The following LARS2 variants were observed in gnomAD, a reference collection of about 807,000 sequenced individuals.
The protein encoded by LARS2 is leucine--tRNA ligase, mitochondrial.
LARS2 carries 81 observed loss-of-function variants against 116.6 expected under a neutral mutation model. That is an observed-to-expected ratio of 0.69 (90% CI 0.58 to 0.84). The LOEUF (loss-of-function observed/expected upper bound fraction) is 0.84, where lower values mean the gene tolerates loss of function less well. LARS2 is among the 40% of genes least tolerant of loss of function. The pLI, the probability that LARS2 is intolerant of heterozygous loss-of-function variation, is 0.00. For missense variants in LARS2, 968 were observed against 1,114.5 expected (o/e 0.87, Z 1.87); for synonymous variants, 396 against 407.2 (o/e 0.97, Z 0.33).
At chr3:45,420,900 G>C (rs970426431) in intron 6 of LARS2, among the ~76,000 whole-genome samples, 4 of 152,174 alleles carry the variant, frequency 2.6e-5, no homozygotes, top group African/African-American at 9.7e-5. Context: ...ATACAGAAAA[G>C]TATAAAGAGC....
At chr3:45,443,096 C>A (rs913290052) in intron 6 of LARS2, among the ~76,000 whole-genome samples, 1 of 152,170 alleles carries the variant, frequency 6.6e-6, no homozygotes, top group South Asian at 2.1e-4. Flanking sequence ...GCCAGATGGT[C>A]TCTGGGGAAC....
chr3:45,494,637 G>A (rs1312384162), intron 13 of LARS2, among the ~76,000 whole-genome samples: 2 of 152,196 alleles, frequency 1.3e-5, no homozygotes, highest in Non-Finnish European at 2.9e-5. Context: ...AGGCCTTGAG[G>A]AGTCTCCAAG....
At position 45,486,016 on chromosome 3, in the gene LARS2, T is replaced by G. The variant is rs74801422; in HGVS notation, c.1123+220T>G. Among the ~76,000 whole-genome samples, 41,070 of 151,974 alleles carry G rather than the reference T, an allele frequency of 0.27. 5,872 individuals carry two copies. Among genetic ancestry groups the G allele is most frequent in the Middle Eastern group, 0.4 (118 of 294 alleles). ...GTACTTTGCTCGTTGCTACTGAGAA[T>G]AAGAAGTATCTGACCTACAAATCTT... is the stretch of plus-strand genomic sequence containing the variant. On this transcript the variant is annotated intron_variant, in intron 11 of 21. Transcript: ENST00000645846.
chr3:45,394,037 A>G (rs902930190), intron 2 of LARS2, among the ~76,000 whole-genome samples: 1 of 152,090 alleles, frequency 6.6e-6, no homozygotes, highest in Non-Finnish European at 1.5e-5. Flanking sequence ...CCTAACGCCA[A>G]CTCAGCATGT....
chr3:45,446,308 A>G (rs1227015884), intron 6 of LARS2, among the ~76,000 whole-genome samples: 1 of 152,252 alleles, frequency 6.6e-6, no homozygotes, highest in African/African-American at 2.4e-5. Flanking sequence ...GCTTGGAAAT[A>G]TAAACCAAGT....
intron 6 of LARS2, among the ~76,000 whole-genome samples, chr3:45,435,810 G>A (rs914103849): frequency 6.6e-6 from 1 of 152,084 alleles, no homozygotes; most frequent in Non-Finnish European, 1.5e-5. Flanking sequence ...CTTCTTCACT[G>A]TTTAGAGTCT....
intron 4 of LARS2, among the ~76,000 whole-genome samples, chr3:45,406,125 C>T (rs1352565122): frequency 6.6e-6 from 1 of 152,020 alleles, no homozygotes; most frequent in Non-Finnish European, 1.5e-5. Flanking sequence ...ATTTAGAAAC[C>T]ATCAGGGAGA....
chr3:45,532,703 G>A lies in LARS2; in HGVS notation c.2404+8595G>A, dbSNP rs117245887. The stretch of plus-strand genomic sequence containing the variant: ...GTCGCCCAGGCTGGAGTGCGGTGGT[G>A]CCACCTCAGCTCACTGCAACTTCCG... On this transcript the variant is annotated intron_variant, in intron 20 of 21. Coordinates refer to ENST00000645846, the MANE Select transcript of LARS2 (RefSeq NM_015340.4). Among the ~76,000 whole-genome samples, 690 of 152,176 alleles carry A rather than the reference G, an allele frequency of 4.5e-3. 8 individuals carry two copies. Among genetic ancestry groups the A allele is most frequent in the East Asian group, 0.026 (133 of 5,178 alleles).
intron 4 of LARS2, among the ~76,000 whole-genome samples, chr3:45,416,788 A>C (rs1698428445): frequency 6.6e-6 from 1 of 152,136 alleles, no homozygotes; most frequent in Non-Finnish European, 1.5e-5. Flanking sequence ...TAAATGAAAA[A>C]TACTGGCCGG....
intron 4 of LARS2, among the ~76,000 whole-genome samples, chr3:45,411,589 T>TA (rs780932746): frequency 2.6e-4 from 39 of 151,920 alleles, no homozygotes; most frequent in Middle Eastern, 6.8e-3. Flanking sequence ...AATGCACACT[T>TA]ACATATTTTG....
intron 4 of LARS2, among the ~76,000 whole-genome samples, chr3:45,410,062 G>A (rs1270139194): frequency 1.3e-5 from 2 of 152,074 alleles, no homozygotes; most frequent in African/African-American, 4.8e-5. Flanking sequence ...AAATATGGAC[G>A]GCACCTAACA....
intron 21 of LARS2, among the ~76,000 whole-genome samples, chr3:45,543,361 G>C (rs1700824909): frequency 1.3e-5 from 2 of 151,952 alleles, no homozygotes; most frequent in South Asian, 4.2e-4. Context: ...GCCTGGGCTG[G>C]TCTCAAGCTC....
At chr3:45,503,814 A>G (rs958408687) in intron 15 of LARS2, among the ~76,000 whole-genome samples, 1 of 152,216 alleles carries the variant, frequency 6.6e-6, no homozygotes, top group East Asian at 1.9e-4. Context: ...CAATTTAAAA[A>G]AAAGTAATAC....
chr3:45,412,921 G>A (rs754715094), intron 4 of LARS2, among the ~76,000 whole-genome samples: 2 of 152,264 alleles, frequency 1.3e-5, no homozygotes, highest in Non-Finnish European at 2.9e-5. Flanking sequence ...CCAGTGCACA[G>A]ATGGCTGCCT....
chr3:45,458,986 T>G, intron 8 of LARS2, 100 bp downstream of exon 8: 1 of 1,240,140 alleles, frequency 8.1e-7, no homozygotes, highest in Non-Finnish European at 1.2e-6. Context: ...GGGGTTGAGC[T>G]CTAGGAAGGG....
At chr3:45,473,407 C>T (rs1387199489) in intron 8 of LARS2, among the ~76,000 whole-genome samples, 1 of 150,158 alleles carries the variant, frequency 6.7e-6, no homozygotes, top group Non-Finnish European at 1.5e-5. Context: ...TTTTTTGAGA[C>T]AGAGTCTTGC....
In LARS2 at chr3:45,429,698, CTTTTTT is replaced by C. The variant is rs35874596; in HGVS notation, c.516+9985_516+9990del. 3.0e-3 allele frequency among the ~76,000 whole-genome samples: 328 copies of C among 108,132 alleles called. 2 individuals carry two copies. The highest frequency in any genetic ancestry group is 0.011 in the African/African-American group (305 of 28,796). 70.9% of individuals were successfully genotyped at this position (108,132 alleles called of 152,430 possible). ...TAATTCAGCCTACCACATCCTTCTGCTTTTTTTTTTTTTTTTTTTTTGAGATAGGGT... is the reference window on the plus strand; with the variant it reads ...TAATTCAGCCTACCACATCCTTCTGCTTTTTTTTTTTTTTTGAGATAGGGT... On this transcript the variant is annotated intron_variant, in intron 6 of 21. Coordinates refer to ENST00000645846, the MANE Select transcript of LARS2 (RefSeq NM_015340.4).
chr3:45,488,432 CAAAACA>C (rs894209926), intron 11 of LARS2, among the ~76,000 whole-genome samples: 9 of 152,032 alleles, frequency 5.9e-5, no homozygotes, highest in Non-Finnish European at 1.2e-4. Context: ...GACTCTGTCT[CAAAACA>C]AAAACAAAAA....
intron 15 of LARS2, chr3:45,507,001 G>T (rs1700209799): frequency 6.6e-6 from 1 of 151,978 alleles, no homozygotes; most frequent in South Asian, 2.1e-4. Context: ...CCAAGTTAAT[G>T]ATTAACCGGG....
Sources: allele counts gnomAD v4.1 joint callset (sites outside exome capture counted in the v4.1 genomes callset), GRCh38; gene constraint gnomAD v4.1.1; transcripts MANE v1.5; gene names NCBI Gene and HGNC (gene_info 2026-07-23, HGNC 2026-07-21).